Variants in CKAP2L observed in about 807,000 individuals in gnomAD.
CKAP2L encodes the protein cytoskeleton associated protein 2L, also known as cytoskeleton-associated protein 2-like.
A neutral mutation model predicts 65.7 loss-of-function variants in CKAP2L; 42 were observed. That is an observed-to-expected ratio of 0.64 (90% CI 0.50 to 0.83). The LOEUF (loss-of-function observed/expected upper bound fraction) is 0.83. Among genes scored for constraint, CKAP2L ranks in the 40% least tolerant of loss-of-function variants. The probability of loss-of-function intolerance (pLI) is 0.00; values close to 1 mark genes in which losing one functional copy is unlikely to be tolerated. For synonymous variants in CKAP2L, 325 were observed against 313.5 expected (o/e 1.04, Z -0.39); for missense variants, 908 against 871.0 (o/e 1.04, Z -0.53).
intron 5 of CKAP2L, among the ~76,000 whole-genome samples, chr2:112,750,665 C>T (rs950064422): frequency 1.4e-4 from 21 of 152,132 alleles, no homozygotes; most frequent in Admixed American, 4.6e-4. Context: ...TAACCAATTA[C>T]ATTCTTTCTG....
Position 112,756,618 on chromosome 2 carries a change from G to C in CKAP2L, c.753C>G (p.Ser251Arg), listed in dbSNP as rs768009129. The change falls in exon 4 of 9, where the codon AGC becomes AGG. Residue 251 changes from serine to arginine, a missense_variant. Ser to Arg is a moderately radical substitution (Grantham distance 110, BLOSUM62 -1). Transcript: ENST00000302450. ...VNKQFVGETQ[S>R]RTFPVKSQQL... ...GCTGTGATTTTACTGGGAAAGTCCT[G>C]CTTTGTGTTTCTCCAACAAATTGTT... The C allele has an allele frequency of 6.3e-5, 101 of 1,612,016 alleles. 3 individuals are homozygous for C. The South Asian group carries it at 1.1e-3, about 17-fold the overall frequency.
At position 112,764,555 on chromosome 2, in the gene CKAP2L, TACTC is replaced by T. The variant is rs1248445801; in HGVS notation, c.37+3_37+6del. 4 of 1,614,030 alleles carry T rather than the reference TACTC, an allele frequency of 2.5e-6. No homozygotes were observed. The highest frequency in any genetic ancestry group is 1.7e-5 in the Admixed American group (1 of 60,024). ...CTGAGAATAACGGGAACAGCGGTCGTACTCACCGACAGCGGCAGCAGCGGTAGGC... is the reference window on the plus strand; with the variant it reads ...CTGAGAATAACGGGAACAGCGGTCGTACCGACAGCGGCAGCAGCGGTAGGC... On this transcript the variant is annotated splice_donor_5th_base_variant and intron_variant, in intron 1 of 8. Transcript: ENST00000302450.
chr2:112,756,250 G>A lies in CKAP2L; in HGVS notation c.1121C>T (p.Ala374Val). ...TGTCAAATTAGGCCTCTGGCTTATG[G>A]CTTTTGACTTTTGCAGTACACATGA... ...QTSCVLQKSK[A>V]ISQRPNLTVG... The change falls in exon 4 of 9, where the codon GCC becomes GTC. Residue 374 changes from alanine (A) to valine (V), a missense_variant. Transcript: ENST00000302450. 1 of 1,614,100 alleles carries A rather than the reference G, an allele frequency of 6.2e-7. No homozygotes were observed. Among genetic ancestry groups the A allele is most frequent in the African/African-American group, 1.3e-5 (1 of 75,042 alleles).
At chr2:112,762,422 G>C in intron 2 of CKAP2L, 81 bp downstream of exon 2, 3 of 1,045,342 alleles carry the variant, frequency 2.9e-6, no homozygotes, top group East Asian at 4.7e-5. Context: ...CTAAGCAAAA[G>C]GGACATTTTT....
chr2:112,739,116 T>C, intron 8 of CKAP2L, 68 bp from the exon 9 acceptor site: 1 of 1,226,680 alleles, frequency 8.2e-7, no homozygotes, highest in South Asian at 1.3e-5. Context: ...TATTTTTTGT[T>C]TCTTATTCAA....
At chr2:112,739,126 A>G (rs571483547) in intron 8 of CKAP2L, 78 bp from the exon 9 acceptor site, 6 of 1,104,856 alleles carry the variant, frequency 5.4e-6, no homozygotes, top group African/African-American at 4.8e-5. Context: ...TTCTTATTCA[A>G]TAATAAAACA....
At chr2:112,743,507 G>A (rs765114121) in intron 6 of CKAP2L, among the ~76,000 whole-genome samples, 1 of 151,828 alleles carries the variant, frequency 6.6e-6, no homozygotes, top group East Asian at 1.9e-4. Flanking sequence ...GTGCGGTATC[G>A]GCTCACCACA....
chr2:112,757,022 A>G lies in CKAP2L; in HGVS notation c.349T>C (p.Ser117Pro). ...CVSSNPYSKP[S>P]SKSFQQCEAG... ...TCACACTGTTGAAAACTCTTGCTAG[A>G]AGGCTTAGAGTATGGGTTAGAAGAA... The change falls in exon 4 of 9, where the codon TCT (serine) becomes CCT (proline). Residue 117 changes from serine (S) to proline (P), a missense_variant. Transcript: ENST00000302450. 1 of 1,614,172 alleles carries G rather than the reference A, an allele frequency of 6.2e-7. No homozygotes were observed. The highest frequency in any genetic ancestry group is 1.3e-5 in the African/African-American group (1 of 75,040).
intron 7 of CKAP2L, among the ~76,000 whole-genome samples, 196 bp from the exon 8 acceptor site, chr2:112,741,203 A>T (rs959677237): frequency 6.6e-6 from 1 of 152,126 alleles, no homozygotes; most frequent in South Asian, 2.1e-4. Context: ...GTGTCTTGCT[A>T]CATCAGGCTA....
In CKAP2L at chr2:112,755,531, CG is replaced by C. The variant is rs1165960564; in HGVS notation, c.1394+445del. Among the ~76,000 whole-genome samples the C allele has an allele frequency of 3.3e-5, 5 of 152,214 alleles. No individual in the cohort carries two copies. The East Asian group carries it at 7.7e-4, about 24-fold the overall frequency. On this transcript the variant is annotated intron_variant, in intron 4 of 8. Coordinates refer to ENST00000302450, the MANE Select transcript of CKAP2L (RefSeq NM_152515.5). ...CCAAAACTTGGCCCACTCAGACTCA[CG>C]GAAGTTTCTGGTTCTTCCCTGGTAA...
At chr2:112,746,388 T>G in intron 6 of CKAP2L, 32 bp downstream of exon 6, 1 of 1,546,768 alleles carries the variant, frequency 6.5e-7, no homozygotes, top group South Asian at 1.2e-5. Flanking sequence ...AAGAGAATTT[T>G]AAGAAGTTAC....
rs1679180165 is a variant in CKAP2L at position 112,736,432 on chromosome 2, G to T, written c.*2391C>A. Among the ~76,000 whole-genome samples the T allele has an allele frequency of 6.6e-6, 1 of 151,684 alleles. No homozygotes were observed. Among genetic ancestry groups the T allele is most frequent in the African/African-American group, 2.4e-5 (1 of 40,938 alleles). ...GATACATATAGATAATAAAATGGCT[G>T]CTATAGTGAAGCAGATTAACATTAT... On this transcript the variant is annotated 3_prime_UTR_variant, in exon 9 of 9. Transcript: ENST00000302450.
chr2:112,764,578 G>C lies in CKAP2L; in HGVS notation c.21C>G (p.Thr7=). 7 of 1,614,152 alleles carry C rather than the reference G, an allele frequency of 4.3e-6. No homozygotes were observed. Among genetic ancestry groups the C allele is most frequent in the Non-Finnish European group, 5.9e-6 (7 of 1,180,006 alleles). MVGPGP[T]AAAAVEERQR... is the part of the protein sequence containing the mutation. ...CGTACTCACCGACAGCGGCAGCAGCGGTAGGCCCGGGCCCCACCATGACTC... is the reference window on the plus strand; with the variant it reads ...CGTACTCACCGACAGCGGCAGCAGCCGTAGGCCCGGGCCCCACCATGACTC... The change falls in exon 1 of 9, where the codon ACC becomes ACG. Residue 7 remains threonine (T), a synonymous_variant. Transcript: ENST00000302450.
At chr2:112,750,650 C>T (rs1680345422) in intron 5 of CKAP2L, among the ~76,000 whole-genome samples, 2 of 152,318 alleles carry the variant, frequency 1.3e-5, no homozygotes, top group South Asian at 4.1e-4. Context: ...ACATAAGATA[C>T]TGTGTAACCA....
At chr2:112,753,526 C>A in intron 4 of CKAP2L, among the ~76,000 whole-genome samples, 1 of 100,376 alleles carries the variant, frequency 1.0e-5, no homozygotes, top group African/African-American at 3.6e-5. Flanking sequence ...AGTTTCTTTT[C>A]TTTTTTTTTT....
intron 4 of CKAP2L, among the ~76,000 whole-genome samples, chr2:112,755,581 T>G (rs563031101): frequency 3.3e-5 from 5 of 152,160 alleles, no homozygotes; most frequent in Non-Finnish European, 7.4e-5. Context: ...AACCACTGGT[T>G]TGCTTGACAA....
At chr2:112,743,925 A>T (rs1680114848) in intron 6 of CKAP2L, among the ~76,000 whole-genome samples, 1 of 152,206 alleles carries the variant, frequency 6.6e-6, no homozygotes, top group African/African-American at 2.4e-5. Context: ...GCACTTTCCC[A>T]CAAGAAAATT....
At chr2:112,754,649 T>A (rs1039448094) in intron 4 of CKAP2L, among the ~76,000 whole-genome samples, 1 of 152,222 alleles carries the variant, frequency 6.6e-6, no homozygotes, top group Non-Finnish European at 1.5e-5. Flanking sequence ...ACACTGCAGG[T>A]GCTGAAGAAA....
At chr2:112,743,344 G>A (rs183188904) in intron 6 of CKAP2L, among the ~76,000 whole-genome samples, 46 of 151,972 alleles carry the variant, frequency 3.0e-4, no homozygotes, top group African/African-American at 9.6e-4. Flanking sequence ...GGGTTTTACC[G>A]TGTTAGCCAG....
Sources: allele counts gnomAD v4.1 joint callset (sites outside exome capture counted in the v4.1 genomes callset), GRCh38; gene constraint gnomAD v4.1.1; transcripts MANE v1.5; gene names NCBI Gene and HGNC (gene_info 2026-07-23, HGNC 2026-07-21).